CFAP47: variants seen among roughly 807,000 people sequenced by gnomAD.
CFAP47 encodes cilia- and flagella-associated protein 47.
CFAP47 carries 29 observed loss-of-function variants against 148.1 expected under a neutral mutation model. The observed-to-expected ratio is 0.20, with a 90% CI of 0.15 to 0.27. The LOEUF (loss-of-function observed/expected upper bound fraction) is 0.27, where lower values mean the gene tolerates loss of function less well. Ranked by LOEUF, CFAP47 falls within the 10% of genes least tolerant of loss-of-function variation. The pLI is 1.00. For synonymous variants in CFAP47, 664 were observed against 577.3 expected (o/e 1.15, Z -2.15); for missense variants, 1,872 against 1,697.5 (o/e 1.10, Z -1.81).
chrX:36,380,034 T>C (rs782774640), intron 63 of CFAP47, among the ~76,000 whole-genome samples: 3 of 112,067 alleles, frequency 2.7e-5, no homozygotes, highest in Non-Finnish European at 5.6e-5. Flanking sequence ...TTATTAACAG[T>C]TAAGGTAAAT....
At chrX:36,078,103 GA>G (rs1480692926) in intron 29 of CFAP47, among the ~76,000 whole-genome samples, 1 of 112,001 alleles carries the variant, frequency 8.9e-6, no homozygotes, top group African/African-American at 3.2e-5. Flanking sequence ...TACATTTACT[GA>G]GGAGTGCTTT....
chrX:35,955,668 A>G (rs1936234071), intron 7 of CFAP47, among the ~76,000 whole-genome samples: 1 of 112,063 alleles, frequency 8.9e-6, no homozygotes, highest in South Asian at 3.7e-4. Context: ...TTTACCCATA[A>G]TACTTATTTT....
intron 2 of CFAP47, among the ~76,000 whole-genome samples, chrX:35,928,909 ATT>A (rs926981607): frequency 1.8e-5 from 2 of 110,973 alleles, no homozygotes; most frequent in Non-Finnish European, 3.8e-5. Context: ...TGAAAAAGCT[ATT>A]TTCCTCCATT....
chrX:35,941,516 G>T, intron 3 of CFAP47, 118 bp downstream of exon 3: 1 of 393,238 alleles, frequency 2.5e-6, no homozygotes. Flanking sequence ...ATTTCAAATA[G>T]CTCAAAACCA....
chrX:36,260,415 C>T lies in CFAP47; in HGVS notation c.7444+8971C>T, dbSNP rs183257318. Among the ~76,000 whole-genome samples, 125 of 111,756 alleles carry T rather than the reference C, an allele frequency of 1.1e-3. 1 individual carries two copies. The highest frequency in any genetic ancestry group is 4.0e-3 in the African/African-American group (122 of 30,716). On this transcript the variant is annotated intron_variant, in intron 49 of 63. Transcript: ENST00000378653. The stretch of plus-strand genomic sequence containing the variant: ...TATTTTCTGACTTTTTAATAATAAC[C>T]ATTCAGATTGGTGTGAGATGGTATC...
At chrX:36,337,056 T>C (rs1941612181) in intron 57 of CFAP47, among the ~76,000 whole-genome samples, 1 of 112,270 alleles carries the variant, frequency 8.9e-6, no homozygotes, top group Non-Finnish European at 1.9e-5. Flanking sequence ...GATTTGTAAT[T>C]ATGATTTATA....
intron 21 of CFAP47, among the ~76,000 whole-genome samples, chrX:36,003,495 T>G (rs974229545): frequency 2.7e-5 from 3 of 110,341 alleles, no homozygotes; most frequent in Non-Finnish European, 5.7e-5. Flanking sequence ...ACTTCTATTT[T>G]GGCAGAATTT....
intron 33 of CFAP47, among the ~76,000 whole-genome samples, chrX:36,134,928 C>T (rs768728003): frequency 3.0e-4 from 33 of 110,857 alleles, no homozygotes; most frequent in Non-Finnish European, 9.5e-5. Context: ...TGAAAAGATA[C>T]ATCACCAAAA....
chrX:36,264,826 G>A (rs782618764), intron 49 of CFAP47, among the ~76,000 whole-genome samples: 15 of 111,883 alleles, frequency 1.3e-4, no homozygotes, highest in African/African-American at 2.0e-4. Flanking sequence ...CTATTCTGCC[G>A]TCTTGCTCCA....
chrX:36,055,725 T>C (rs1937549604), intron 26 of CFAP47, among the ~76,000 whole-genome samples: 1 of 112,422 alleles, frequency 8.9e-6, no homozygotes, highest in Non-Finnish European at 1.9e-5. Context: ...TTTCTGCTTC[T>C]AGATCTTTGA....
chrX:36,257,940 A>T (rs976291187), intron 49 of CFAP47, among the ~76,000 whole-genome samples: 1 of 112,167 alleles, frequency 8.9e-6, no homozygotes, highest in African/African-American at 3.2e-5. Context: ...AGTAGTGTGA[A>T]ATTCTCTTAT....
chrX:36,008,238 T>G (rs1487282133), intron 21 of CFAP47, among the ~76,000 whole-genome samples: 1 of 111,883 alleles, frequency 8.9e-6, no homozygotes, highest in Non-Finnish European at 1.9e-5. Flanking sequence ...CCCCTCACAC[T>G]TAGCTTCCCT....
intron 21 of CFAP47, among the ~76,000 whole-genome samples, chrX:36,004,677 T>C (rs1936960535): frequency 9.1e-6 from 1 of 109,738 alleles, no homozygotes; most frequent in African/African-American, 3.3e-5. Flanking sequence ...TTTTTTATGA[T>C]TCCATTTATG....
intron 2 of CFAP47, among the ~76,000 whole-genome samples, chrX:35,929,274 C>T (rs1352578863): frequency 1.8e-5 from 2 of 111,411 alleles, no homozygotes; most frequent in African/African-American, 6.5e-5. Context: ...TAGTAATTCT[C>T]CCCAAACATG....
At chrX:36,325,307 G>C (rs73460162) in intron 57 of CFAP47, among the ~76,000 whole-genome samples, 13 of 111,434 alleles carry the variant, frequency 1.2e-4, no homozygotes, top group African/African-American at 3.9e-4. Flanking sequence ...TCCTATGTTA[G>C]AGATGAGTAT....
At chrX:36,167,232 A>T (rs1036647149) in intron 39 of CFAP47, among the ~76,000 whole-genome samples, 2 of 111,319 alleles carry the variant, frequency 1.8e-5, no homozygotes, top group Non-Finnish European at 3.8e-5. Context: ...GAATTTCTCC[A>T]CACATTATTG....
At chrX:36,335,987 G>A (rs782506787) in intron 57 of CFAP47, among the ~76,000 whole-genome samples, 1 of 110,686 alleles carries the variant, frequency 9.0e-6, no homozygotes, top group South Asian at 3.9e-4. Context: ...CACTATACTT[G>A]GCGTTTGTAA....
chrX:36,276,733 C>A (rs1289251311), intron 49 of CFAP47, among the ~76,000 whole-genome samples: 1 of 111,443 alleles, frequency 9.0e-6, no homozygotes, highest in Non-Finnish European at 1.9e-5. Context: ...TACAAATATA[C>A]AAATACATAT....
intron 21 of CFAP47, among the ~76,000 whole-genome samples, chrX:36,012,639 G>A (rs1225700694): frequency 9.0e-6 from 1 of 110,848 alleles, no homozygotes; most frequent in Non-Finnish European, 1.9e-5. Context: ...ACAGGGAGGG[G>A]GACAACACAC....
Sources: gnomAD v4.1 joint callset for allele counts (sites outside exome capture counted in the v4.1 genomes callset) on GRCh38, gnomAD v4.1.1 for gene constraint, MANE v1.5 for transcripts, NCBI Gene and HGNC (gene_info 2026-07-23, HGNC 2026-07-21) for gene names.